POLR3B: variants seen among roughly 807,000 people sequenced by gnomAD.
POLR3B encodes the protein DNA-directed RNA polymerase III subunit RPC2.
POLR3B carries 96 observed loss-of-function variants against 147.4 expected under a neutral mutation model. The ratio of observed to expected loss-of-function variants is 0.65; its 90% CI spans 0.55 to 0.77. POLR3B has a LOEUF of 0.77. Ranked by LOEUF, POLR3B falls within the 30% of genes least tolerant of loss-of-function variation. POLR3B has a pLI of 0.00. For missense variants in POLR3B, 1,036 were observed against 1,413.5 expected (o/e 0.73, Z 4.28); for synonymous variants, 461 against 485.9 (o/e 0.95, Z 0.67).
chr12:106,424,293 G>A (rs2037409129), intron 12 of POLR3B, among the ~76,000 whole-genome samples: 2 of 152,176 alleles, frequency 1.3e-5, no homozygotes, highest in Non-Finnish European at 2.9e-5. Context: ...CATGGGTGGT[G>A]GGAGTATATC....
chr12:106,382,167 A>C (rs2036772177), intron 9 of POLR3B: 1 of 152,496 alleles, frequency 6.6e-6, no homozygotes, highest in Non-Finnish European at 1.5e-5. Flanking sequence ...AATGCAGCCC[A>C]GTAGGTCTCA....
chr12:106,499,951 C>T, intron 25 of POLR3B: 2 of 354,684 alleles, frequency 5.6e-6, no homozygotes, highest in South Asian at 4.6e-5. Context: ...CTGTTGTTTC[C>T]TTTACTTTTT....
intron 1 of POLR3B, among the ~76,000 whole-genome samples, chr12:106,359,084 G>A (rs1222603610): frequency 2.0e-5 from 3 of 152,118 alleles, no homozygotes; most frequent in Admixed American, 2.0e-4. Flanking sequence ...TGGGTGTGGT[G>A]GCGTGCACTT....
chr12:106,399,010 A>C (rs1346371949), intron 10 of POLR3B, among the ~76,000 whole-genome samples: 2 of 152,216 alleles, frequency 1.3e-5, no homozygotes, highest in Admixed American at 1.3e-4. Flanking sequence ...TGAGAAAAGA[A>C]GGCTTCACAC....
intron 12 of POLR3B, 58 bp from the exon 13 acceptor site, chr12:106,427,139 A>G: frequency 8.9e-7 from 1 of 1,124,618 alleles, no homozygotes; most frequent in Non-Finnish European, 1.3e-6. Context: ...AAAATTTATT[A>G]AAATAATCTA....
chr12:106,361,267 C>T (rs905247977), intron 1 of POLR3B, among the ~76,000 whole-genome samples: 4 of 152,084 alleles, frequency 2.6e-5, no homozygotes, highest in African/African-American at 2.4e-5. Context: ...AGGATAAATG[C>T]GAGGAAGGTT....
chr12:106,379,923 GT>G, intron 8 of POLR3B, 107 bp from the exon 9 acceptor site: 1 of 723,148 alleles, frequency 1.4e-6, no homozygotes, highest in Non-Finnish European at 2.5e-6. Context: ...CCTTGTGATT[GT>G]TGTTGATCAG....
intron 18 of POLR3B, among the ~76,000 whole-genome samples, chr12:106,443,200 A>G (rs999046209): frequency 4.6e-5 from 7 of 152,232 alleles, no homozygotes; most frequent in East Asian, 1.9e-4. Context: ...TTTTCCTACT[A>G]TAAGTCCTCA....
At chr12:106,442,080 C>CAA (rs1264618766) in intron 18 of POLR3B, among the ~76,000 whole-genome samples, 2 of 97,388 alleles carry the variant, frequency 2.1e-5, no homozygotes, top group Non-Finnish European at 2.0e-5. Context: ...AAATCCGCCT[C>CAA]AAAAAAAAAA....
Position 106,430,492 on chromosome 12 carries a change from C to A in POLR3B, c.1464+19C>A. On this transcript the variant is annotated intron_variant, in intron 14 of 27. Coordinates refer to ENST00000228347, the MANE Select transcript of POLR3B (RefSeq NM_018082.6). Reference sequence around the variant, plus strand: ...AGGAGAGGTAAGGAATCTGAGGAGTCTTGATGCTGTGTAAGAGGCGATACC... The same window carrying A: ...AGGAGAGGTAAGGAATCTGAGGAGTATTGATGCTGTGTAAGAGGCGATACC... The A allele has an allele frequency of 6.3e-7, 1 of 1,596,880 alleles. No homozygotes were observed. The highest frequency in any genetic ancestry group is 8.6e-7 in the Non-Finnish European group (1 of 1,166,248).
At chr12:106,413,998 C>G (rs561860370) in intron 12 of POLR3B, among the ~76,000 whole-genome samples, 1 of 151,448 alleles carries the variant, frequency 6.6e-6, no homozygotes, top group Non-Finnish European at 1.5e-5. Context: ...TTTGTGGTCA[C>G]TTTGATCATC....
chr12:106,465,006 A>G (rs2037986226), intron 23 of POLR3B, among the ~76,000 whole-genome samples: 1 of 152,204 alleles, frequency 6.6e-6, no homozygotes, highest in Non-Finnish European at 1.5e-5. Flanking sequence ...GACACCTGTA[A>G]TTTATATAGT....
chr12:106,442,533 A>T lies in POLR3B; in HGVS notation c.1956-1930A>T, dbSNP rs77778202. Among the ~76,000 whole-genome samples the T allele has an allele frequency of 6.1e-3, 932 of 152,276 alleles. 17 individuals are homozygous for T. Among genetic ancestry groups the T allele is most frequent in the East Asian group, 0.049 (252 of 5,176 alleles). On this transcript the variant is annotated intron_variant, in intron 18 of 27. Coordinates refer to ENST00000228347, the MANE Select transcript of POLR3B (RefSeq NM_018082.6). ...TGTCTGAGAGGATTGGGGTTCTGCT[A>T]GGTCATAAGGTGAAAACAGTACTCT...
At chr12:106,369,814 G>C (rs2036580118) in intron 6 of POLR3B, 131 bp downstream of exon 6, 6 of 699,824 alleles carry the variant, frequency 8.6e-6, no homozygotes, top group Non-Finnish European at 1.3e-5. Context: ...CATGTGTAAA[G>C]CACTTAGAAT....
rs116635622 is a variant in POLR3B at position 106,446,296 on chromosome 12, A to G, written c.2083+1706A>G. 5.9e-4 allele frequency: 269 copies of G among 455,766 alleles called. 2 individuals carry two copies. The highest frequency in any genetic ancestry group is 5.0e-3 in the African/African-American group (249 of 50,154). 28.2% of individuals were successfully genotyped at this position (455,766 alleles called of 1,614,324 possible). A position where few individuals can be genotyped will look rare whatever the true frequency, so the allele number is the denominator to read the frequency against. On this transcript the variant is annotated intron_variant, in intron 19 of 27. Transcript: ENST00000228347. ...CACTTCATCGCTAATGCCACTCTTC[A>G]GTGTGTTTGAAGATCGAAACAGAGC...
At chr12:106,423,927 G>A (rs1000998367) in intron 12 of POLR3B, among the ~76,000 whole-genome samples, 1 of 151,758 alleles carries the variant, frequency 6.6e-6, no homozygotes, top group Non-Finnish European at 1.5e-5. Context: ...CACAATCTCG[G>A]CTCATTGCAG....
At chr12:106,452,233 T>A (rs985452372) in intron 19 of POLR3B, among the ~76,000 whole-genome samples, 2 of 152,230 alleles carry the variant, frequency 1.3e-5, no homozygotes, top group Middle Eastern at 3.2e-3. Context: ...ACATTTTAAC[T>A]TACACACCCA....
intron 2 of POLR3B, 113 bp downstream of exon 2, chr12:106,364,015 G>T: frequency 1.3e-6 from 1 of 775,690 alleles, no homozygotes; most frequent in Non-Finnish European, 2.2e-6. Context: ...ATTTTGTATA[G>T]CTGTGTTTGG....
chr12:106,498,409 A>G (rs770792463), intron 25 of POLR3B, among the ~76,000 whole-genome samples: 3 of 152,194 alleles, frequency 2.0e-5, no homozygotes, highest in Non-Finnish European at 2.9e-5. Context: ...CGTGAATGAC[A>G]AGGTTCTGAA....
Sources: allele counts gnomAD v4.1 joint callset (sites outside exome capture counted in the v4.1 genomes callset), GRCh38; gene constraint gnomAD v4.1.1; transcripts MANE v1.5; gene names NCBI Gene and HGNC (gene_info 2026-07-23, HGNC 2026-07-21).